CDH5: variants seen among roughly 807,000 people sequenced by gnomAD.
CDH5 encodes cadherin-5.
Under a neutral mutation model 62.0 loss-of-function variants are expected in CDH5, and 28 were observed. The observed-to-expected ratio is 0.45, with a 90% CI of 0.33 to 0.62. The LOEUF is 0.62. Ranked by LOEUF, CDH5 falls within the 20% of genes least tolerant of loss-of-function variation. The pLI is 0.02. For missense variants in CDH5, 940 were observed against 1,065.1 expected (o/e 0.88, Z 1.63); for synonymous variants, 464 against 445.8 (o/e 1.04, Z -0.52).
intron 2 of CDH5, among the ~76,000 whole-genome samples, chr16:66,382,318 C>T (rs1960911880): frequency 6.6e-6 from 1 of 152,228 alleles, no homozygotes; most frequent in Non-Finnish European, 1.5e-5. Flanking sequence ...CCAACAATAA[C>T]TGGGATCTTG....
Position 66,380,789 on chromosome 16 carries a change from ATGG to A in CDH5, c.210+1250_210+1252del, listed in dbSNP as rs1020323360. ...GATAGTGGTTGTGATGGTGGTGATGATGGTGGTGGTAATGGTGAAGGATAAGTG... is the reference window on the plus strand; with the variant it reads ...GATAGTGGTTGTGATGGTGGTGATGATGGTGGTAATGGTGAAGGATAAGTG... On this transcript the variant is annotated intron_variant, in intron 2 of 11. Transcript: ENST00000341529. 4.0e-5 allele frequency among the ~76,000 whole-genome samples: 6 copies of A among 149,722 alleles called. No individual in the cohort carries two copies. In the South Asian group the frequency reaches 6.3e-4, roughly 16 times the overall value.
chr16:66,381,766 C>T (rs1960903355), intron 2 of CDH5, among the ~76,000 whole-genome samples: 1 of 152,190 alleles, frequency 6.6e-6, no homozygotes, highest in South Asian at 2.1e-4. Context: ...ACTGCCTGGA[C>T]TTGCAAATAA....
chr16:66,395,039 T>C (rs1961154413), intron 7 of CDH5, among the ~76,000 whole-genome samples: 1 of 92,840 alleles, frequency 1.1e-5, no homozygotes, highest in South Asian at 4.4e-4. Context: ...TTTTTTTTTT[T>C]TTTTTTTTTT....
rs1402846336 is a variant in CDH5 at position 66,404,064 on chromosome 16, T to A, written c.*895T>A. 6.6e-6 allele frequency: 1 copy of A among 152,386 alleles called. No homozygotes were observed. Among genetic ancestry groups the A allele is most frequent in the Non-Finnish European group, 1.5e-5 (1 of 68,060 alleles). The allele number at this position is 152,386 out of a possible 1,614,324, so 9.4% of individuals were successfully genotyped here. A position where few individuals can be genotyped will look rare whatever the true frequency, so the allele number is the denominator to read the frequency against. On this transcript the variant is annotated 3_prime_UTR_variant, in exon 12 of 12. Transcript: ENST00000341529. Reference sequence around the variant, plus strand: ...GCAGATGTTCCCGGAGCAGAAGACGTCTCCCCTTCTCTGCCTCACCTGGTC... The same window carrying A: ...GCAGATGTTCCCGGAGCAGAAGACGACTCCCCTTCTCTGCCTCACCTGGTC...
intron 2 of CDH5, among the ~76,000 whole-genome samples, chr16:66,381,207 G>C (rs75738337): frequency 6.6e-6 from 1 of 152,254 alleles, no homozygotes; most frequent in East Asian, 1.9e-4. Context: ...GGCTATCCCT[G>C]GTTCCCTGTG....
intron 1 of CDH5, among the ~76,000 whole-genome samples, chr16:66,374,557 T>G (rs1271651151): frequency 6.6e-6 from 1 of 152,096 alleles, no homozygotes; most frequent in Admixed American, 6.5e-5. Context: ...TTCTGCACCT[T>G]CAGAGAACGC....
Position 66,390,519 on chromosome 16 carries a change from G to A in CDH5, c.898G>A (p.Gly300Ser). 2.5e-6 allele frequency: 4 copies of A among 1,614,128 alleles called. No individual in the cohort carries two copies. Among genetic ancestry groups the A allele is most frequent in the Admixed American group, 3.3e-5 (2 of 60,018 alleles). ...NRMTKYSILR[G>S]DYQDAFTIET... ...GATGACCAAGTACAGCATCTTGCGG[G>A]GCGACTACCAGGACGCTTTCACCAT... Residue 300 changes from glycine (G) to serine (S), a missense_variant, in exon 6 of 12, where the codon GGC becomes AGC. By Grantham distance (56) the Gly-to-Ser change is moderately conservative (BLOSUM62 0). Coordinates refer to ENST00000341529, the MANE Select transcript of CDH5 (RefSeq NM_001795.5).
At chr16:66,372,887 G>A (rs1404188057) in intron 1 of CDH5, among the ~76,000 whole-genome samples, 1 of 152,100 alleles carries the variant, frequency 6.6e-6, no homozygotes, top group African/African-American at 2.4e-5. Context: ...GGGTACAGAG[G>A]GCCCATCCTC....
Position 66,398,533 on chromosome 16 carries a change from G to A in CDH5, c.1563G>A (p.Glu521=), listed in dbSNP as rs1961228741. 2 of 1,591,402 alleles carry A rather than the reference G, an allele frequency of 1.3e-6. No homozygotes were observed. The highest frequency in any genetic ancestry group is 1.7e-6 in the Non-Finnish European group (2 of 1,159,260). Residue 521 remains glutamate, a synonymous_variant, in exon 10 of 12, where the codon GAG becomes GAA. Coordinates refer to ENST00000341529, the MANE Select transcript of CDH5 (RefSeq NM_001795.5). ...AGTTCAAATTCATCTTGAATACTGA[G>A]AACAACTTTACCCTCACGGATAATC... ...NVKFKFILNT[E]NNFTLTDNHD...
intron 7 of CDH5, among the ~76,000 whole-genome samples, chr16:66,394,857 TG>T (rs1447610822): frequency 2.5e-5 from 1 of 40,576 alleles, no homozygotes. Flanking sequence ...TTGCCTTTTT[TG>T]GGGGGTGGGG....
Position 66,386,871 on chromosome 16 carries a change from G to A in CDH5, c.273G>A (p.Lys91=), listed in dbSNP as rs201145094. ...TGCTCAAAGGAGAATATGTGGGCAA[G>A]GTCTTCCGGGTCGATGCAGAGACAG... ...KYLLKGEYVG[K]VFRVDAETGD... is the part of the protein sequence containing the mutation. The change falls in exon 3 of 12, where the codon AAG becomes AAA. Residue 91 remains lysine (K), a synonymous_variant. Transcript: ENST00000341529. 4.6e-5 allele frequency: 74 copies of A among 1,614,196 alleles called. No individual in the cohort carries two copies. The highest frequency in any genetic ancestry group is 1.3e-4 in the Admixed American group (8 of 60,028).
At chr16:66,379,842 AGGTGGTGGTTGTGATGGTGGTGATGGT>A (rs1935241017) in intron 2 of CDH5, among the ~76,000 whole-genome samples, 1 of 149,460 alleles carries the variant, frequency 6.7e-6, no homozygotes, top group East Asian at 2.0e-4. Context: ...ATAAAGGGGT[AGGTGGTGGTTGTGATGGTGGTGATGGT>A]GGTGGTGGCT....
chr16:66,376,200 C>T (rs1960784064), intron 1 of CDH5: 2 of 152,196 alleles, frequency 1.3e-5, no homozygotes, highest in Admixed American at 1.3e-4. Context: ...TCTACACTAC[C>T]ATCACCCCAA....
Position 66,402,724 on chromosome 16 carries a change from A to G in CDH5, c.1910A>G (p.Glu637Gly). Residue 637 changes from glutamate (E) to glycine (G), a missense_variant, in exon 12 of 12, where the codon GAG becomes GGG. Coordinates refer to ENST00000341529, the MANE Select transcript of CDH5 (RefSeq NM_001795.5). Reference sequence around the variant, plus strand: ...CGCGCGCACGGCAAGAGCGTGCCGGAGATCCACGAGCAGCTGGTCACCTAC... The same window carrying G: ...CGCGCGCACGGCAAGAGCGTGCCGGGGATCCACGAGCAGCTGGTCACCTAC... ...QARAHGKSVP[E>G]IHEQLVTYDE... 1 of 1,609,670 alleles carries G rather than the reference A, an allele frequency of 6.2e-7. No individual in the cohort carries two copies. Among genetic ancestry groups the G allele is most frequent in the Non-Finnish European group, 8.5e-7 (1 of 1,179,110 alleles).
At chr16:66,399,208 G>A (rs1376576643) in intron 10 of CDH5, among the ~76,000 whole-genome samples, 1 of 152,222 alleles carries the variant, frequency 6.6e-6, no homozygotes, top group Non-Finnish European at 1.5e-5. Flanking sequence ...GGTGGCCCGT[G>A]TGATGGCATT....
chr16:66,376,309 C>G (rs945696129), intron 1 of CDH5: 2 of 152,160 alleles, frequency 1.3e-5, no homozygotes, highest in African/African-American at 4.8e-5. Flanking sequence ...GGACCACATT[C>G]ATATGTGCAG....
chr16:66,367,110 G>C (rs1336962941), intron 1 of CDH5, among the ~76,000 whole-genome samples: 2 of 152,268 alleles, frequency 1.3e-5, no homozygotes, highest in Non-Finnish European at 2.9e-5. Context: ...CCGGGGCAGA[G>C]GACTGGCACC....
At chr16:66,377,864 C>A (rs557083815) in intron 1 of CDH5, 1 of 152,368 alleles carries the variant, frequency 6.6e-6, no homozygotes, top group Admixed American at 6.5e-5. Flanking sequence ...AGAATGAAGC[C>A]AGGCCTTGAT....
At chr16:66,370,354 G>A (rs1054812654) in intron 1 of CDH5, among the ~76,000 whole-genome samples, 8 of 152,114 alleles carry the variant, frequency 5.3e-5, no homozygotes, top group Non-Finnish European at 8.8e-5. Flanking sequence ...AAATCCTATC[G>A]GTGGTCTTTT....
Sources: gnomAD v4.1 joint callset for allele counts (sites outside exome capture counted in the v4.1 genomes callset) on GRCh38, gnomAD v4.1.1 for gene constraint, MANE v1.5 for transcripts, NCBI Gene and HGNC (gene_info 2026-07-23, HGNC 2026-07-21) for gene names.